The following SLC25A48 variants were observed in gnomAD, a reference collection of about 807,000 sequenced individuals.
SLC25A48 encodes solute carrier family 25 member 48, also known as CTC-321K16.1.
Under a neutral mutation model 32.2 loss-of-function variants are expected in SLC25A48, and 29 were observed. The observed-to-expected ratio is 0.90, with a 90% CI of 0.67 to 1.23. The LOEUF (loss-of-function observed/expected upper bound fraction) is 1.23, where lower values mean the gene tolerates loss of function less well. SLC25A48 is among the 50% of genes most tolerant of loss of function. The pLI is 0.00. For missense variants in SLC25A48, 399 were observed against 422.7 expected, an observed-to-expected ratio of 0.94 and a Z score of 0.49; for synonymous variants, 164 against 172.3, an observed-to-expected ratio of 0.95 and a Z score of 0.38.
intron 1 of SLC25A48, among the ~76,000 whole-genome samples, chr5:135,614,000 T>C (rs538276153): frequency 6.6e-6 from 1 of 152,268 alleles, no homozygotes; most frequent in African/African-American, 2.4e-5. Context: ...ATTTTGATGG[T>C]GATTGCATTG....
At chr5:135,863,560 T>A (rs900979380) in intron 4 of SLC25A48, among the ~76,000 whole-genome samples, 53 of 152,278 alleles carry the variant, frequency 3.5e-4, no homozygotes, top group African/African-American at 1.3e-3. Flanking sequence ...ATAACTGCAG[T>A]TAAAATTATC....
At chr5:135,744,865 A>G (rs1011180699) in intron 3 of SLC25A48, among the ~76,000 whole-genome samples, 2 of 151,938 alleles carry the variant, frequency 1.3e-5, no homozygotes, top group African/African-American at 4.8e-5. Context: ...AGCATAATGA[A>G]ACCCTGTCTC....
At chr5:135,735,448 A>G (rs1176519180) in intron 3 of SLC25A48, among the ~76,000 whole-genome samples, 1 of 152,242 alleles carries the variant, frequency 6.6e-6, no homozygotes, top group East Asian at 1.9e-4. Flanking sequence ...AAAGCATCTC[A>G]GGGTTGCTGC....
intron 4 of SLC25A48, among the ~76,000 whole-genome samples, chr5:135,863,753 G>T (rs1028479555): frequency 3.9e-5 from 6 of 152,152 alleles, no homozygotes; most frequent in African/African-American, 1.4e-4. Context: ...ACCCCAGGCT[G>T]TGCAACTCTA....
chr5:135,670,624 G>A (rs186099488), intron 3 of SLC25A48, among the ~76,000 whole-genome samples: 1 of 152,328 alleles, frequency 6.6e-6, no homozygotes, highest in African/African-American at 2.4e-5. Flanking sequence ...ATCAGATAGT[G>A]CATGTTCAGT....
intron 7 of SLC25A48, among the ~76,000 whole-genome samples, chr5:135,886,609 ATATATATATATATATATATAT>A (rs1762725400): frequency 1.4e-5 from 1 of 70,064 alleles, no homozygotes. Flanking sequence ...ATATATATAT[ATATATATATATATATATATAT>A]ATATATAAAA....
At chr5:135,874,933 T>C (rs1761935740) in intron 6 of SLC25A48, 2 of 431,366 alleles carry the variant, frequency 4.6e-6, no homozygotes, top group Non-Finnish European at 4.1e-6. Flanking sequence ...GTAGCTACTG[T>C]GAGCTGGCAG....
intron 1 of SLC25A48, among the ~76,000 whole-genome samples, chr5:135,611,529 AAAAAG>A (rs1432060812): frequency 7.4e-5 from 10 of 135,518 alleles, no homozygotes; most frequent in African/African-American, 2.5e-4. Flanking sequence ...AAAAAAAAAG[AAAAAG>A]AAAAGAAAAG....
At chr5:135,750,361 G>T (rs1403281548) in intron 3 of SLC25A48, among the ~76,000 whole-genome samples, 2 of 152,072 alleles carry the variant, frequency 1.3e-5, no homozygotes, top group Non-Finnish European at 2.9e-5. Context: ...GGCTTCATTC[G>T]ACTGGGGGTT....
chr5:135,639,104 C>T (rs191143987), intron 3 of SLC25A48, among the ~76,000 whole-genome samples: 173 of 152,246 alleles, frequency 1.1e-3, no homozygotes, highest in African/African-American at 4.1e-3. Context: ...AAATATGCGG[C>T]CCAAAAATGA....
intron 2 of SLC25A48, among the ~76,000 whole-genome samples, chr5:135,632,969 T>G (rs1295371821): frequency 6.6e-6 from 1 of 152,162 alleles, no homozygotes; most frequent in African/African-American, 2.4e-5. Context: ...TGCTTCCTGC[T>G]TCCAAGGCTG....
intron 3 of SLC25A48, among the ~76,000 whole-genome samples, chr5:135,757,698 TATC>T (rs1755951911): frequency 6.7e-6 from 1 of 149,950 alleles, no homozygotes; most frequent in Admixed American, 6.6e-5. Flanking sequence ...ATTAATAAAA[TATC>T]ATCTAGATGA....
At chr5:135,647,314 C>T (rs1159248742) in intron 3 of SLC25A48, among the ~76,000 whole-genome samples, 2 of 152,120 alleles carry the variant, frequency 1.3e-5, no homozygotes, top group East Asian at 3.8e-4. Flanking sequence ...CAATCCAGGG[C>T]ACCGCATTAT....
chr5:135,743,319 G>A (rs992824539), intron 3 of SLC25A48, among the ~76,000 whole-genome samples: 20 of 151,376 alleles, frequency 1.3e-4, no homozygotes, highest in African/African-American at 4.1e-4. Context: ...TGATCCACCC[G>A]CCTCGGCCTC....
chr5:135,860,778 GT>G (rs1248839544), intron 4 of SLC25A48, among the ~76,000 whole-genome samples: 2 of 152,154 alleles, frequency 1.3e-5, no homozygotes, highest in African/African-American at 4.8e-5. Flanking sequence ...GACTGATTGG[GT>G]TTTGTGGTTC....
chr5:135,820,611 CA>C (rs1203468362), intron 4 of SLC25A48, among the ~76,000 whole-genome samples: 3 of 151,734 alleles, frequency 2.0e-5, no homozygotes, highest in South Asian at 2.1e-4. Context: ...CAAAGAGAGA[CA>C]AAGAGATGGA....
At chr5:135,748,312 C>G (rs978920986) in intron 3 of SLC25A48, among the ~76,000 whole-genome samples, 14 of 152,274 alleles carry the variant, frequency 9.2e-5, no homozygotes, top group African/African-American at 2.9e-4. Context: ...TTTTTATTCT[C>G]TTTTGAGATG....
At chr5:135,749,579 TA>T (rs943145339) in intron 3 of SLC25A48, among the ~76,000 whole-genome samples, 1 of 152,064 alleles carries the variant, frequency 6.6e-6, no homozygotes, top group African/African-American at 2.4e-5. Flanking sequence ...TTTTTATTGT[TA>T]TTTTTTTTTG....
chr5:135,668,568 G>A (rs570834946), intron 3 of SLC25A48, among the ~76,000 whole-genome samples: 57 of 152,270 alleles, frequency 3.7e-4, no homozygotes, highest in African/African-American at 1.3e-3. Context: ...TGACATAGTG[G>A]AACATAGACA....
Sources: allele counts gnomAD v4.1 joint callset (sites outside exome capture counted in the v4.1 genomes callset), GRCh38; gene constraint gnomAD v4.1.1; transcripts MANE v1.5; gene names NCBI Gene and HGNC (gene_info 2026-07-23, HGNC 2026-07-21).